The following NXPH1 variants were observed in gnomAD, a reference collection of about 807,000 sequenced individuals.
NXPH1 encodes the protein neurexophilin-1.
A neutral mutation model predicts 23.7 loss-of-function variants in NXPH1; 5 were observed. The ratio of observed to expected loss-of-function variants is 0.21; its 90% CI spans 0.11 to 0.44. NXPH1 has a LOEUF of 0.44. Among genes scored for constraint, NXPH1 ranks in the 20% least tolerant of loss-of-function variants. The pLI, the probability that NXPH1 is intolerant of heterozygous loss-of-function variation, is 0.99. For missense variants in NXPH1, 324 were observed against 321.6 expected (o/e 1.01, Z -0.06); for synonymous variants, 144 against 122.2 (o/e 1.18, Z -1.18).
chr7:8,710,626 A>C lies in NXPH1; in HGVS notation c.55-40382A>C, dbSNP rs144409059. On this transcript the variant is annotated intron_variant, in intron 2 of 2. Transcript: ENST00000405863. ...TTTCTACATGGTTGTTGAACAAAGC[A>C]TGTCAACTGTTACGTTTTTTGTTTT... Among the ~76,000 whole-genome samples, 708 of 143,208 alleles carry C rather than the reference A, an allele frequency of 4.9e-3. 15 individuals carry two copies. Among genetic ancestry groups the C allele is most frequent in the Non-Finnish European group, 6.9e-3 (450 of 65,640 alleles). The allele number at this position is 143,208 out of a possible 152,430, so 94.0% of individuals were successfully genotyped here.
intron 2 of NXPH1, among the ~76,000 whole-genome samples, chr7:8,472,229 C>G (rs188163223): frequency 6.6e-6 from 1 of 152,200 alleles, no homozygotes; most frequent in East Asian, 1.9e-4. Flanking sequence ...TTCTGTTTGA[C>G]TTTGTTCAAG....
At chr7:8,745,497 GAAT>G (rs914852621) in intron 2 of NXPH1, among the ~76,000 whole-genome samples, 2 of 150,280 alleles carry the variant, frequency 1.3e-5, no homozygotes, top group Non-Finnish European at 2.9e-5. Context: ...TTTAGTTAGA[GAAT>G]AATAAGTTTT....
At chr7:8,683,138 G>T (rs184869764) in intron 2 of NXPH1, among the ~76,000 whole-genome samples, 1 of 152,182 alleles carries the variant, frequency 6.6e-6, no homozygotes, top group African/African-American at 2.4e-5. Context: ...TATCCAGGTC[G>T]AAGGTGAAGT....
intron 2 of NXPH1, among the ~76,000 whole-genome samples, chr7:8,478,409 A>G (rs1489629743): frequency 6.6e-6 from 1 of 152,136 alleles, no homozygotes; most frequent in Non-Finnish European, 1.5e-5. Flanking sequence ...TCAGTTAAGA[A>G]AGAATAAACA....
At chr7:8,623,693 A>G (rs966954546) in intron 2 of NXPH1, among the ~76,000 whole-genome samples, 1 of 77,078 alleles carries the variant, frequency 1.3e-5, no homozygotes, top group Non-Finnish European at 2.6e-5. Context: ...TTTTTAAGAG[A>G]TATATACTGA....
chr7:8,526,778 C>T (rs972670414), intron 2 of NXPH1, among the ~76,000 whole-genome samples: 1 of 152,200 alleles, frequency 6.6e-6, no homozygotes, highest in African/African-American at 2.4e-5. Flanking sequence ...GCCTCCCCAG[C>T]CATGTGGAAC....
intron 2 of NXPH1, among the ~76,000 whole-genome samples, chr7:8,579,919 T>A (rs1257545254): frequency 6.6e-6 from 1 of 152,186 alleles, no homozygotes; most frequent in Non-Finnish European, 1.5e-5. Context: ...TGAATGCCTC[T>A]GGCTTCAGAC....
intron 2 of NXPH1, among the ~76,000 whole-genome samples, chr7:8,594,776 G>C (rs982512145): frequency 1.3e-4 from 19 of 151,904 alleles, no homozygotes; most frequent in Non-Finnish European, 1.8e-4. Context: ...ATAGAAACCT[G>C]GTGTCCCTAA....
chr7:8,642,016 C>T (rs888686841), intron 2 of NXPH1, among the ~76,000 whole-genome samples: 3 of 152,154 alleles, frequency 2.0e-5, no homozygotes, highest in Admixed American at 6.5e-5. Context: ...ATTCTGCTCT[C>T]GATGTTACTA....
intron 2 of NXPH1, among the ~76,000 whole-genome samples, chr7:8,590,850 C>G (rs10257762): frequency 0.28 from 42,897 of 151,826 alleles, 6,861 homozygotes; most frequent in African/African-American, 0.43. Context: ...AATGTCAAGG[C>G]AACACATAGA....
chr7:8,675,058 T>G (rs977921660), intron 2 of NXPH1, among the ~76,000 whole-genome samples: 2 of 152,128 alleles, frequency 1.3e-5, no homozygotes, highest in African/African-American at 4.8e-5. Context: ...AACCTTAAAA[T>G]AGAACAAGGG....
rs139342762 is a variant in NXPH1 at position 8,635,310 on chromosome 7, C to T, written c.55-115698C>T. On this transcript the variant is annotated intron_variant, in intron 2 of 2. Coordinates refer to ENST00000405863, the MANE Select transcript of NXPH1 (RefSeq NM_152745.3). The stretch of plus-strand genomic sequence containing the variant: ...CACAGCAGTCTTTGTTGCCTTTTGC[C>T]CTAAAATCTCACATCACATTCTATT... 2.5e-3 allele frequency among the ~76,000 whole-genome samples: 374 copies of T among 152,246 alleles called. 3 individuals are homozygous for T. The highest frequency in any genetic ancestry group is 3.8e-3 in the Non-Finnish European group (261 of 68,004).
intron 2 of NXPH1, among the ~76,000 whole-genome samples, chr7:8,571,164 G>A (rs1014343854): frequency 6.6e-5 from 10 of 151,828 alleles, no homozygotes; most frequent in African/African-American, 9.7e-5. Context: ...ATCTCCAGGT[G>A]AGCTATAGCA....
intron 2 of NXPH1, among the ~76,000 whole-genome samples, chr7:8,570,661 A>G (rs1818626435): frequency 6.6e-6 from 1 of 151,930 alleles, no homozygotes. Flanking sequence ...TTATGCAGGC[A>G]AAGATTACTC....
At position 8,727,296 on chromosome 7, in the gene NXPH1, A is replaced by G. The variant is rs887074044; in HGVS notation, c.55-23712A>G. Among the ~76,000 whole-genome samples, 88 of 129,750 alleles carry G rather than the reference A, an allele frequency of 6.8e-4. 1 individual carries two copies. The highest frequency in any genetic ancestry group is 2.6e-3 in the African/African-American group (78 of 30,142). The allele number at this position is 129,750 out of a possible 152,430, so 85.1% of individuals were successfully genotyped here. ...CTCCCATTTTGTAGGTTGCCTATTCACTCTGATGGTAGTTTCTTTTGCTGT... is the reference window on the plus strand; with the variant it reads ...CTCCCATTTTGTAGGTTGCCTATTCGCTCTGATGGTAGTTTCTTTTGCTGT... On this transcript the variant is annotated intron_variant, in intron 2 of 2. Transcript: ENST00000405863.
At chr7:8,654,000 T>C (rs1042997449) in intron 2 of NXPH1, among the ~76,000 whole-genome samples, 1 of 152,202 alleles carries the variant, frequency 6.6e-6, no homozygotes, top group African/African-American at 2.4e-5. Context: ...TCAGAGATAA[T>C]TAATTGGGCT....
At chr7:8,652,083 C>T (rs182058535) in intron 2 of NXPH1, among the ~76,000 whole-genome samples, 67 of 152,152 alleles carry the variant, frequency 4.4e-4, no homozygotes, top group Admixed American at 1.3e-3. Flanking sequence ...CACCAATTTA[C>T]GAAGGACTTA....
chr7:8,474,388 T>C (rs908019848), intron 2 of NXPH1, among the ~76,000 whole-genome samples: 3 of 152,060 alleles, frequency 2.0e-5, no homozygotes, highest in East Asian at 1.9e-4. Context: ...TAGTACCAAA[T>C]TGGGAAATAT....
chr7:8,630,626 A>G (rs142413025), intron 2 of NXPH1, among the ~76,000 whole-genome samples: 359 of 152,338 alleles, frequency 2.4e-3, no homozygotes, highest in Admixed American at 4.1e-3. Context: ...GCCCAATGTA[A>G]TTAAAACTAC....
Sources: gnomAD v4.1 joint callset for allele counts (sites outside exome capture counted in the v4.1 genomes callset) on GRCh38, gnomAD v4.1.1 for gene constraint, MANE v1.5 for transcripts, NCBI Gene and HGNC (gene_info 2026-07-23, HGNC 2026-07-21) for gene names.